The following AP1S1 variants were observed in gnomAD, a reference collection of about 807,000 sequenced individuals.
The protein encoded by AP1S1 is AP-1 complex subunit sigma-1A.
AP1S1 carries 13 observed loss-of-function variants against 23.9 expected under a neutral mutation model. The ratio of observed to expected loss-of-function variants is 0.54; its 90% CI spans 0.35 to 0.86. The LOEUF is 0.86. Ranked by LOEUF, AP1S1 falls within the 40% of genes least tolerant of loss-of-function variation. The pLI is 0.01. For missense variants in AP1S1, 119 were observed against 197.6 expected (o/e 0.60, Z 2.38); for synonymous variants, 84 against 77.7 (o/e 1.08, Z -0.43).
At chr7:101,160,474 CT>C in intron 4 of AP1S1, 44 bp from the exon 5 acceptor site, 1 of 1,605,080 alleles carries the variant, frequency 6.2e-7, no homozygotes, top group South Asian at 1.1e-5. Flanking sequence ...CCCTGTCGGC[CT>C]CTCCTGGTGT....
At position 101,159,986 on chromosome 7, in the gene AP1S1, G is replaced by GCA. The variant is rs914455706; in HGVS notation, c.430-512_430-511dup. On this transcript the variant is annotated intron_variant, in intron 4 of 4. Transcript: ENST00000337619. ...CACGCACACACACACACCCTGGCGC[G>GCA]CACACACACACACACACACACATGC... Among the ~76,000 whole-genome samples the GCA allele has an allele frequency of 6.3e-3, 910 of 144,482 alleles. 11 individuals are homozygous for GCA. The highest frequency in any genetic ancestry group is 0.015 in the African/African-American group (593 of 39,420). The allele number at this position is 144,482 out of a possible 152,430, so 94.8% of individuals were successfully genotyped here.
At position 101,157,373 on chromosome 7, in the gene AP1S1, G is replaced by A. The variant is rs572946160; in HGVS notation, c.183-4G>A. ...AGCGATGTCTCATGCGCTCCTCTCCGCAGATATGCCAGCCTCTACTTCTGC... is the reference window on the plus strand; with the variant it reads ...AGCGATGTCTCATGCGCTCCTCTCCACAGATATGCCAGCCTCTACTTCTGC... On this transcript the variant is annotated splice_region_variant and splice_polypyrimidine_tract_variant and intron_variant, in intron 2 of 4. Transcript: ENST00000337619. 7 of 1,561,950 alleles carry A rather than the reference G, an allele frequency of 4.5e-6. No homozygotes were observed. Among genetic ancestry groups the A allele is most frequent in the Admixed American group, 3.8e-5 (2 of 52,456 alleles).
At position 101,160,736 on chromosome 7, in the gene AP1S1, C is replaced by G; in HGVS notation, c.*170C>G. On this transcript the variant is annotated 3_prime_UTR_variant, in exon 5 of 5. Transcript: ENST00000337619. ...GCCCTTCAAACATTCCCTCCCTCCA[C>G]CCCCTACCTCCACTTTCCCCTTTTC... The G allele has an allele frequency of 1.3e-6, 1 of 788,046 alleles. No individual in the cohort carries two copies. The highest frequency in any genetic ancestry group is 2.2e-6 in the Non-Finnish European group (1 of 461,344). The allele number at this position is 788,046 out of a possible 1,614,324, so 48.8% of individuals were successfully genotyped here. A position where few individuals can be genotyped will look rare whatever the true frequency, so the allele number is the denominator to read the frequency against.
chr7:101,154,700 G>C, intron 1 of AP1S1, 183 bp downstream of exon 1: 1 of 682,842 alleles, frequency 1.5e-6, no homozygotes, highest in Non-Finnish European at 2.2e-6. Flanking sequence ...GCATTCGGGA[G>C]AGGGGCGGGG....
chr7:101,159,111 A>G lies in AP1S1; in HGVS notation c.344A>G (p.Asp115Gly). 6.2e-7 allele frequency: 1 copy of G among 1,613,760 alleles called. No homozygotes were observed. Among genetic ancestry groups the G allele is most frequent in the Non-Finnish European group, 8.5e-7 (1 of 1,179,824 alleles). ...TTTGAGAAGGCCTACTTCATCCTGG[A>G]TGAGTTTTTGATGGGGGGGGATGTC... Reference protein sequence around the residue: ...FNFEKAYFILDEFLMGGDVQD... With the variant: ...FNFEKAYFILGEFLMGGDVQD... Residue 115 changes from aspartate (D) to glycine (G), a missense_variant, in exon 4 of 5, where the codon GAT becomes GGT. Asp to Gly is a moderately conservative substitution (Grantham distance 94). Transcript: ENST00000337619.
intron 4 of AP1S1, 103 bp downstream of exon 4, chr7:101,159,299 GC>G (rs1011310926): frequency 2.6e-5 from 39 of 1,488,422 alleles, no homozygotes; most frequent in Middle Eastern, 2.4e-4. Flanking sequence ...TCGCCAAGGA[GC>G]CCCCCCTCCC....
chr7:101,158,748 T>A (rs1450863347), intron 3 of AP1S1, among the ~76,000 whole-genome samples: 10 of 151,952 alleles, frequency 6.6e-5, no homozygotes, highest in Non-Finnish European at 1.5e-4. Context: ...CAAAATATTT[T>A]AAAAATGAGG....
intron 1 of AP1S1, chr7:101,154,825 A>G: frequency 8.6e-6 from 4 of 463,540 alleles, no homozygotes; most frequent in Non-Finnish European, 1.1e-5. Flanking sequence ...CGCTGCAGGG[A>G]AGCCGCCCGA....
chr7:101,160,002 A>C (rs1797067683), intron 4 of AP1S1, among the ~76,000 whole-genome samples: 1 of 151,210 alleles, frequency 6.6e-6, no homozygotes, highest in African/African-American at 2.4e-5. Context: ...ACACACACAC[A>C]CACACATGCC....
chr7:101,155,234 C>A (rs1351077978), intron 1 of AP1S1, among the ~76,000 whole-genome samples: 2 of 152,152 alleles, frequency 1.3e-5, no homozygotes, highest in Non-Finnish European at 2.9e-5. Context: ...AATCAGTTCT[C>A]CTGAATTCTG....
rs369723284 is a variant in AP1S1, at chr7:101,159,048, C to T, written c.292-11C>T. On this transcript the variant is annotated splice_polypyrimidine_tract_variant and intron_variant, in intron 3 of 4. Transcript: ENST00000337619. ...CTCCATGCTCAACTTAGCCTCTCCC[C>T]GCCCTCCCAGGTGTGCGAGCTGGAC... 5.8e-5 allele frequency: 94 copies of T among 1,612,124 alleles called. No individual in the cohort carries two copies. The highest frequency in any genetic ancestry group is 3.3e-4 in the Middle Eastern group (2 of 6,074).
chr7:101,156,029 AG>A lies in AP1S1; in HGVS notation c.4-564del, dbSNP rs780079820. Among the ~76,000 whole-genome samples the A allele has an allele frequency of 1.3e-3, 201 of 152,264 alleles. 1 individual carries two copies. Among genetic ancestry groups the A allele is most frequent in the Non-Finnish European group, 2.4e-3 (166 of 68,022 alleles). On this transcript the variant is annotated intron_variant, in intron 1 of 4. Coordinates refer to ENST00000337619, the MANE Select transcript of AP1S1 (RefSeq NM_001283.5). ...TGGATCACCTGAGGTCGGGAGTTCG[AG>A]ACCAGGGCCTGGCCAACATGGTGAA... is the stretch of plus-strand genomic sequence containing the variant.
intron 1 of AP1S1, 66 bp downstream of exon 1, chr7:101,154,583 CG>C: frequency 6.5e-7 from 1 of 1,530,960 alleles, no homozygotes; most frequent in Non-Finnish European, 8.8e-7. Flanking sequence ...CGGGGGTCCT[CG>C]GGGGCCGCCC....
rs985563428 is a variant in AP1S1, at chr7:101,160,660, C to A, written c.*94C>A. ...CCAGGGCCCTGTTCTTGGTGGGACT[C>A]GGCTGCCCCTCCTCTGCTGCCTCAC... On this transcript the variant is annotated 3_prime_UTR_variant, in exon 5 of 5. Coordinates refer to ENST00000337619, the MANE Select transcript of AP1S1 (RefSeq NM_001283.5). 6.9e-7 allele frequency: 1 copy of A among 1,441,400 alleles called. No homozygotes were observed. Among genetic ancestry groups the A allele is most frequent in the African/African-American group, 1.4e-5 (1 of 71,622 alleles). The allele number at this position is 1,441,400 out of a possible 1,614,324, so 89.3% of individuals were successfully genotyped here.
At chr7:101,160,293 C>T (rs1055572127) in intron 4 of AP1S1, among the ~76,000 whole-genome samples, 1 of 152,146 alleles carries the variant, frequency 6.6e-6, no homozygotes, top group East Asian at 1.9e-4. Context: ...CGGACTCAAC[C>T]TGGACCCCCC....
intron 1 of AP1S1, 172 bp from the exon 2 acceptor site, chr7:101,156,422 A>C: frequency 1.4e-6 from 1 of 716,858 alleles, no homozygotes; most frequent in South Asian, 2.0e-5. Flanking sequence ...TAGTAGAGCC[A>C]GGATTTGAAC....
chr7:101,158,908 C>A, intron 3 of AP1S1, 151 bp from the exon 4 acceptor site: 2 of 1,067,112 alleles, frequency 1.9e-6, no homozygotes, highest in Non-Finnish European at 2.6e-6. Flanking sequence ...CTGTCTCTAA[C>A]AAAATAACGA....
intron 2 of AP1S1, 113 bp from the exon 3 acceptor site, chr7:101,157,264 A>G (rs896369351): frequency 2.3e-5 from 18 of 778,532 alleles, no homozygotes; most frequent in Non-Finnish European, 3.8e-5. Flanking sequence ...GGGCCACCTC[A>G]CCTGTGGCCA....
At chr7:101,156,475 G>A in intron 1 of AP1S1, 119 bp from the exon 2 acceptor site, 1 of 1,237,460 alleles carries the variant, frequency 8.1e-7, no homozygotes, top group East Asian at 2.6e-5. Context: ...CCTGCTGGTG[G>A]AAACACCCAG....
Sources: gnomAD v4.1 joint callset for allele counts (sites outside exome capture counted in the v4.1 genomes callset) on GRCh38, gnomAD v4.1.1 for gene constraint, MANE v1.5 for transcripts, NCBI Gene and HGNC (gene_info 2026-07-23, HGNC 2026-07-21) for gene names.